The following ABCG5 variants were observed in gnomAD, a reference collection of about 807,000 sequenced individuals.
ABCG5 encodes the protein ATP-binding cassette sub-family G member 5.
In ABCG5, 64 loss-of-function variants were observed where a neutral mutation model predicts 64.5. The ratio of observed to expected loss-of-function variants is 0.99; its 90% CI spans 0.81 to 1.22. The LOEUF (loss-of-function observed/expected upper bound fraction) is 1.22. ABCG5 is among the 50% of genes most tolerant of loss of function. The pLI, the probability that ABCG5 is intolerant of heterozygous loss-of-function variation, is 0.00. For missense variants in ABCG5, 908 were observed against 829.5 expected (o/e 1.09, Z -1.16); for synonymous variants, 385 against 326.3 (o/e 1.18, Z -1.94).
At chr2:43,830,260 T>C (rs1379855755) in intron 4 of ABCG5, among the ~76,000 whole-genome samples, 5 of 152,236 alleles carry the variant, frequency 3.3e-5, no homozygotes, top group African/African-American at 9.6e-5. Flanking sequence ...GGAAGGACTA[T>C]TGGGATGAGC....
chr2:43,839,034 G>A (rs1558784889), upstream of ABCG5: 2 of 1,550,656 alleles, frequency 1.3e-6, no homozygotes, highest in South Asian at 1.2e-5. Context: ...GCAGCCCAGG[G>A]TCACAGACCT....
At chr2:43,806,821 C>A in the ABCG5 span, among the ~76,000 whole-genome samples, 2 of 152,104 alleles carry the variant, frequency 1.3e-5, no homozygotes, top group Admixed American at 6.5e-5. Context: ...CCCCACAGTA[C>A]CCATATCACC....
chr2:43,830,456 T>C (rs1488687371), intron 4 of ABCG5, among the ~76,000 whole-genome samples: 1 of 152,270 alleles, frequency 6.6e-6, no homozygotes, highest in Non-Finnish European at 1.5e-5. Flanking sequence ...CTCTCTGAAG[T>C]GGTCCAGGAA....
rs903294368 is a variant in ABCG5, at chr2:43,822,482, C to T, written c.1463+315G>A. On this transcript the variant is annotated intron_variant, in intron 10 of 12. Transcript: ENST00000405322. Reference sequence around the variant, plus strand: ...CTGCTTTCTCCCCTCCCCCAGGCCCCCCCCCATGCACCTGGGTCCTAGCTA... The same window carrying T: ...CTGCTTTCTCCCCTCCCCCAGGCCCTCCCCCATGCACCTGGGTCCTAGCTA... 1.3e-5 allele frequency: 12 copies of T among 889,386 alleles called. 1 individual carries two copies. The highest frequency in any genetic ancestry group is 1.6e-5 in the Non-Finnish European group (12 of 743,962). 55.1% of individuals were successfully genotyped at this position (889,386 alleles called of 1,614,324 possible). A position where few individuals can be genotyped will look rare whatever the true frequency, so the allele number is the denominator to read the frequency against.
upstream of ABCG5, chr2:43,838,860 G>A (rs565897209): frequency 3.5e-5 from 45 of 1,279,396 alleles, no homozygotes; most frequent in Admixed American, 3.2e-4. This position sits in a 1 kb window ranked among gnomAD's most constrained non-coding sequence, Gnocchi z 4.2. Flanking sequence ...TAGCCAGCGC[G>A]TCCTTATCTT....
chr2:43,822,020 T>G (rs1314686164), intron 10 of ABCG5, among the ~76,000 whole-genome samples: 2 of 152,170 alleles, frequency 1.3e-5, no homozygotes, highest in Non-Finnish European at 2.9e-5. Flanking sequence ...GGCTGCATTT[T>G]CATCTACTCT....
In ABCG5 at chr2:43,838,206, C is replaced by T; in HGVS notation, c.144-251G>A. On this transcript the variant is annotated intron_variant, in intron 1 of 12. Transcript: ENST00000405322. This position sits in a 1 kb window ranked among gnomAD's most constrained non-coding sequence, Gnocchi z 4.2. ...TCCGTTTGGCTGCGAGGTGGCTGTC[C>T]CTGCATTCTTTCACCAGGTTTCAAG... The T allele has an allele frequency of 1.7e-6, 1 of 598,576 alleles. No homozygotes were observed. The highest frequency in any genetic ancestry group is 2.9e-6 in the Non-Finnish European group (1 of 339,240). The allele number at this position is 598,576 out of a possible 1,614,324, so 37.1% of individuals were successfully genotyped here. A position where few individuals can be genotyped will look rare whatever the true frequency, so the allele number is the denominator to read the frequency against.
intron 9 of ABCG5, 82 bp from the exon 10 acceptor site, chr2:43,823,017 T>A: frequency 3.1e-5 from 47 of 1,515,112 alleles, no homozygotes; most frequent in Non-Finnish European, 4.0e-5. Flanking sequence ...GAATGTGAGG[T>A]CTGTCAGGGC....
At chr2:43,834,530 T>C (rs776578438) in intron 2 of ABCG5, among the ~76,000 whole-genome samples, 1 of 152,204 alleles carries the variant, frequency 6.6e-6, no homozygotes, top group Non-Finnish European at 1.5e-5. Context: ...ATAATGAATT[T>C]AGTTTTTTAA....
At position 43,823,897 on chromosome 2, in the gene ABCG5, G is replaced by A; in HGVS notation, c.1324+16C>T. 1 of 1,612,806 alleles carries A rather than the reference G, an allele frequency of 6.2e-7. No homozygotes were observed. Among genetic ancestry groups the A allele is most frequent in the Non-Finnish European group, 8.5e-7 (1 of 1,179,026 alleles). On this transcript the variant is annotated intron_variant, in intron 9 of 12. Coordinates refer to ENST00000405322, the MANE Select transcript of ABCG5 (RefSeq NM_022436.3). Reference sequence around the variant, plus strand: ...TTAGGGAGAAAGAGGTGCACCTCCAGCACGTGGGCACTTACACAGATTCAC... The same window carrying A: ...TTAGGGAGAAAGAGGTGCACCTCCAACACGTGGGCACTTACACAGATTCAC...
intron 2 of ABCG5, among the ~76,000 whole-genome samples, chr2:43,836,863 C>T (rs1027911308): frequency 2.6e-5 from 4 of 151,918 alleles, no homozygotes; most frequent in Admixed American, 1.3e-4. Context: ...AACGCTGTCT[C>T]TACAAAAAAA....
In ABCG5 at chr2:43,824,269, G is replaced by T. The variant is rs745606275; in HGVS notation, c.1068C>A (p.Phe356Leu). 6 of 1,614,064 alleles carry T rather than the reference G, an allele frequency of 3.7e-6. No homozygotes were observed. The highest frequency in any genetic ancestry group is 5.1e-6 in the Non-Finnish European group (6 of 1,180,046). ...AAACTCCAGGAGAATCTTTGGTTTT[G>T]AAAGGAACCATTGGTAACGTTTTCA... ...KHLKTLPMVP[F>L]KTKDSPGVFS... The change falls in exon 8 of 13, where the codon TTC (phenylalanine) becomes TTA (leucine). Residue 356 changes from phenylalanine to leucine, a missense_variant. Physicochemically the swap from Phe to Leu is conservative, Grantham distance 22. Coordinates refer to ENST00000405322, the MANE Select transcript of ABCG5 (RefSeq NM_022436.3).
intron 4 of ABCG5, among the ~76,000 whole-genome samples, chr2:43,830,033 C>T (rs183569325): frequency 6.6e-5 from 10 of 152,336 alleles, no homozygotes; most frequent in Admixed American, 6.5e-4. Context: ...TTAAGCTTTG[C>T]TTGACACAGT....
Position 43,838,464 on chromosome 2 carries a change from G to T in ABCG5, c.143+73C>A. 1 of 1,451,514 alleles carries T rather than the reference G, an allele frequency of 6.9e-7. No homozygotes were observed. Among genetic ancestry groups the T allele is most frequent in the Non-Finnish European group, 9.4e-7 (1 of 1,060,430 alleles). 89.9% of individuals were successfully genotyped at this position (1,451,514 alleles called of 1,614,324 possible). A position where few individuals can be genotyped will look rare whatever the true frequency, so the allele number is the denominator to read the frequency against. ...CCCAGACTGGCACTTAAAGAGTGAA[G>T]AAAGGCAGCAGAGGGGTGAGCGCCG... On this transcript the variant is annotated intron_variant, in intron 1 of 12. Coordinates refer to ENST00000405322, the MANE Select transcript of ABCG5 (RefSeq NM_022436.3). The surrounding 1 kb of genome is among the most constrained non-coding windows in gnomAD (Gnocchi z 4.2).
In ABCG5 at chr2:43,828,885, A is replaced by G. The variant is rs181818914; in HGVS notation, c.502-770T>C. Reference sequence around the variant, plus strand: ...GAGGCTAAGGCAGGAGAATTGCTTGAACCCGGGAGGCCAAGGTTGCAGTGA... The same window carrying G: ...GAGGCTAAGGCAGGAGAATTGCTTGGACCCGGGAGGCCAAGGTTGCAGTGA... On this transcript the variant is annotated intron_variant, in intron 4 of 12. Coordinates refer to ENST00000405322, the MANE Select transcript of ABCG5 (RefSeq NM_022436.3). 7.1e-3 allele frequency among the ~76,000 whole-genome samples: 982 copies of G among 139,026 alleles called. 15 individuals are homozygous for G. The highest frequency in any genetic ancestry group is 0.023 in the African/African-American group (906 of 39,294). The allele number at this position is 139,026 out of a possible 152,430, so 91.2% of individuals were successfully genotyped here.
Position 43,822,384 on chromosome 2 carries a change from C to T in ABCG5, c.1463+413G>A, listed in dbSNP as rs533307018. 28 of 316,094 alleles carry T rather than the reference C, an allele frequency of 8.9e-5. No individual in the cohort carries two copies. The South Asian group carries it at 3.4e-3, about 38-fold the overall frequency. The allele number at this position is 316,094 out of a possible 1,614,324, so 19.6% of individuals were successfully genotyped here. A position where few individuals can be genotyped will look rare whatever the true frequency, so the allele number is the denominator to read the frequency against. On this transcript the variant is annotated intron_variant, in intron 10 of 12. Coordinates refer to ENST00000405322, the MANE Select transcript of ABCG5 (RefSeq NM_022436.3). ...TTCTCTTTCTACCTCCCTGATCACCCTCTGCCTCCTCTGTTGGTTGCTGTC... is the reference window on the plus strand; with the variant it reads ...TTCTCTTTCTACCTCCCTGATCACCTTCTGCCTCCTCTGTTGGTTGCTGTC...
At chr2:43,823,837 AC>A (rs1488922516) in intron 9 of ABCG5, 75 bp downstream of exon 9, 41 of 1,532,464 alleles carry the variant, frequency 2.7e-5, no homozygotes, top group Non-Finnish European at 3.5e-5. Flanking sequence ...ATAATGGTAG[AC>A]TTTTGTAAGG....
chr2:43,823,859 A>G, intron 9 of ABCG5, 54 bp downstream of exon 9: 1 of 1,587,390 alleles, frequency 6.3e-7, no homozygotes, highest in South Asian at 1.1e-5. Context: ...TTACAGCTGG[A>G]GAAGGGAGGT....
At chr2:43,826,640 G>C in intron 5 of ABCG5, 119 bp from the exon 6 acceptor site, 1 of 1,483,780 alleles carries the variant, frequency 6.7e-7, no homozygotes, top group Non-Finnish European at 9.3e-7. Context: ...AGTGTGCGGT[G>C]GGAAGTAAAC....
Sources: allele counts gnomAD v4.1 joint callset (sites outside exome capture counted in the v4.1 genomes callset), GRCh38; gene constraint gnomAD v4.1.1; non-coding constraint Gnocchi (gnomAD v3.1); transcripts MANE v1.5; gene names NCBI Gene and HGNC (gene_info 2026-07-23, HGNC 2026-07-21).